NRP2: variants seen among roughly 807,000 people sequenced by gnomAD.
The protein encoded by NRP2 is neuropilin-2.
NRP2 carries 52 observed loss-of-function variants against 110.4 expected under a neutral mutation model. The ratio of observed to expected loss-of-function variants is 0.47; its 90% CI spans 0.38 to 0.59. The LOEUF (loss-of-function observed/expected upper bound fraction) is 0.59, where lower values mean the gene tolerates loss of function less well. Among genes scored for constraint, NRP2 ranks in the 20% least tolerant of loss-of-function variants. The pLI is 0.00. For missense variants in NRP2, 1,049 were observed against 1,203.0 expected, an observed-to-expected ratio of 0.87 and a Z score of 1.89; for synonymous variants, 508 against 468.9, an observed-to-expected ratio of 1.08 and a Z score of -1.08.
intron 3 of NRP2, among the ~76,000 whole-genome samples, chr2:205,718,341 T>C (rs2056942309): frequency 6.6e-6 from 1 of 152,250 alleles, no homozygotes; most frequent in Non-Finnish European, 1.5e-5. Flanking sequence ...GAGGGTATCA[T>C]AATTCAATAT....
intron 15 of NRP2, chr2:205,779,304 C>T (rs1269767792): frequency 6.6e-6 from 1 of 152,178 alleles, no homozygotes; most frequent in Middle Eastern, 3.2e-3. Flanking sequence ...TCACTTAGTT[C>T]CTGGCGAAGG....
chr2:205,743,544 C>G lies in NRP2; in HGVS notation c.1633C>G (p.Gln545Glu). Residue 545 changes from glutamine to glutamate, a missense_variant, in exon 9 of 17, where the codon CAG becomes GAG. Physicochemically the swap from Gln to Glu is conservative, Grantham distance 29. Transcript: ENST00000357785. Reference protein sequence around the residue: ...WEYIQDPRTQQPKLFEGNMHY... With the variant: ...WEYIQDPRTQEPKLFEGNMHY... Reference sequence around the variant, plus strand: ...ATACATTCAGGACCCCAGGACCCAGCAGCCAAAGGTAGGCTGTTCTTGGAG... The same window carrying G: ...ATACATTCAGGACCCCAGGACCCAGGAGCCAAAGGTAGGCTGTTCTTGGAG... 1.9e-6 allele frequency: 3 copies of G among 1,614,198 alleles called. No homozygotes were observed. The highest frequency in any genetic ancestry group is 8.5e-7 in the Non-Finnish European group (1 of 1,180,014).
chr2:205,788,398 G>A (rs559694305), intron 15 of NRP2, among the ~76,000 whole-genome samples: 1 of 152,286 alleles, frequency 6.6e-6, no homozygotes, highest in East Asian at 1.9e-4. Context: ...AACAGCTGGG[G>A]AAGGGATGGG....
chr2:205,703,615 C>T (rs2056609409), intron 2 of NRP2, among the ~76,000 whole-genome samples: 1 of 152,162 alleles, frequency 6.6e-6, no homozygotes, highest in Admixed American at 6.5e-5. Context: ...GTTACGTGGG[C>T]CCACAGCATC....
intron 15 of NRP2, among the ~76,000 whole-genome samples, chr2:205,782,750 G>T (rs888160626): frequency 9.9e-5 from 15 of 152,042 alleles, no homozygotes; most frequent in Non-Finnish European, 1.8e-4. Context: ...ACATACTAAT[G>T]CATCTACCCC....
At chr2:205,748,576 G>A (rs1285775994) in intron 10 of NRP2, among the ~76,000 whole-genome samples, 3 of 152,218 alleles carry the variant, frequency 2.0e-5, no homozygotes, top group South Asian at 4.1e-4. Flanking sequence ...GAAGCCGACC[G>A]TGAAAAAGCT....
intron 15 of NRP2, among the ~76,000 whole-genome samples, chr2:205,774,505 C>T (rs143558349): frequency 1.1e-4 from 16 of 152,326 alleles, no homozygotes; most frequent in South Asian, 8.3e-4. Context: ...CAGAGCAACA[C>T]ATCCTTGTCA....
chr2:205,715,595 C>T (rs2056879076), intron 2 of NRP2, among the ~76,000 whole-genome samples: 1 of 152,122 alleles, frequency 6.6e-6, no homozygotes, highest in Non-Finnish European at 1.5e-5. Context: ...GTCTTTGTCA[C>T]TAACAATTAA....
chr2:205,720,477 A>T (rs2056988855), intron 3 of NRP2, among the ~76,000 whole-genome samples: 1 of 151,970 alleles, frequency 6.6e-6, no homozygotes. Context: ...CCCCACTCCC[A>T]GGGGGGTGGA....
intron 1 of NRP2, among the ~76,000 whole-genome samples, chr2:205,685,284 G>A (rs1320751431): frequency 6.6e-6 from 1 of 152,222 alleles, no homozygotes; most frequent in Non-Finnish European, 1.5e-5. Context: ...GGGATTCGAA[G>A]CTGGGACCTG....
intron 8 of NRP2, among the ~76,000 whole-genome samples, chr2:205,742,035 C>G (rs2057450903): frequency 6.6e-6 from 1 of 152,214 alleles, no homozygotes; most frequent in Non-Finnish European, 1.5e-5. Context: ...TATGCTAATC[C>G]TGTCTAGGGG....
chr2:205,716,250 A>C lies in NRP2; in HGVS notation c.309A>C (p.Lys103Asn). 1 of 1,614,132 alleles carries C rather than the reference A, an allele frequency of 6.2e-7. No homozygotes were observed. Among genetic ancestry groups the C allele is most frequent in the Non-Finnish European group, 8.5e-7 (1 of 1,180,026 alleles). ...GDSESADLLGKHCGNIAPPTI... is the reference protein window; with the variant it reads ...GDSESADLLGNHCGNIAPPTI... The stretch of plus-strand genomic sequence containing the variant: ...GTGAATCCGCAGACCTCCTGGGCAA[A>C]CACTGTGGGAACATCGCCCCGCCCA... Residue 103 changes from lysine to asparagine, a missense_variant, in exon 3 of 17, where the codon AAA (lysine) becomes AAC (asparagine). Coordinates refer to ENST00000357785, the MANE Select transcript of NRP2 (RefSeq NM_003872.3).
At chr2:205,769,442 T>C (rs2057981694) in intron 15 of NRP2, among the ~76,000 whole-genome samples, 1 of 151,884 alleles carries the variant, frequency 6.6e-6, no homozygotes, top group South Asian at 2.1e-4. Context: ...TTTCTTGCCA[T>C]GCAATATTAT....
At chr2:205,788,239 T>C (rs3755232) in intron 15 of NRP2, among the ~76,000 whole-genome samples, 41,140 of 152,046 alleles carry the variant, frequency 0.27, 5,805 homozygotes, top group South Asian at 0.38. Flanking sequence ...AGACTGATCT[T>C]CATATGAAAA....
chr2:205,771,027 A>G (rs1400525046), intron 15 of NRP2, among the ~76,000 whole-genome samples: 2 of 152,206 alleles, frequency 1.3e-5, no homozygotes, highest in Non-Finnish European at 2.9e-5. Flanking sequence ...AATGTTTTTC[A>G]CCAACTTTTC....
chr2:205,738,400 GCAAAA>G, intron 7 of NRP2, among the ~76,000 whole-genome samples: 1 of 152,244 alleles, frequency 6.6e-6, no homozygotes, highest in East Asian at 1.9e-4. Flanking sequence ...ACAAAGCAAA[GCAAAA>G]CAAAACAAAA....
intron 12 of NRP2, among the ~76,000 whole-genome samples, chr2:205,758,390 G>C (rs1258255202): frequency 6.6e-6 from 1 of 152,216 alleles, no homozygotes; most frequent in East Asian, 1.9e-4. Flanking sequence ...TCAGGGTTTG[G>C]TGAGGTGTAG....
At chr2:205,760,208 C>G (rs1223945712) in intron 12 of NRP2, among the ~76,000 whole-genome samples, 1 of 152,142 alleles carries the variant, frequency 6.6e-6, no homozygotes, top group Non-Finnish European at 1.5e-5. Flanking sequence ...CATTCCTTTC[C>G]CCCTGCTCTT....
At chr2:205,730,636 T>C (rs970954942) in intron 7 of NRP2, among the ~76,000 whole-genome samples, 1 of 151,996 alleles carries the variant, frequency 6.6e-6, no homozygotes, top group African/African-American at 2.4e-5. Context: ...GAAGAGGGAA[T>C]AGTGACATTT....
Sources: gnomAD v4.1 joint callset for allele counts (sites outside exome capture counted in the v4.1 genomes callset) on GRCh38, gnomAD v4.1.1 for gene constraint, MANE v1.5 for transcripts, NCBI Gene and HGNC (gene_info 2026-07-23, HGNC 2026-07-21) for gene names.